FMN1: variants seen among roughly 807,000 people sequenced by gnomAD.
FMN1 encodes the protein formin 1, also known as formin-1.
FMN1 carries 110 observed loss-of-function variants against 132.4 expected under a neutral mutation model. The ratio of observed to expected loss-of-function variants is 0.83; its 90% CI spans 0.71 to 0.97. FMN1 has a LOEUF of 0.97. Ranked by LOEUF, FMN1 falls within the 50% of genes least tolerant of loss-of-function variation. FMN1 has a pLI of 0.00. For synonymous variants in FMN1, 722 were observed against 651.7 expected (o/e 1.11, Z -1.64); for missense variants, 1,792 against 1,705.3 (o/e 1.05, Z -0.90).
rs564964638 is a variant in FMN1, at chr15:32,885,709, G to C, written c.3835+2463C>G. Among the ~76,000 whole-genome samples, 4 of 152,182 alleles carry C rather than the reference G, an allele frequency of 2.6e-5. No homozygotes were observed. The East Asian group carries it at 7.7e-4, about 29-fold the overall frequency. On this transcript the variant is annotated intron_variant, in intron 16 of 20. Transcript: ENST00000616417. ...TGCCATTCAAAGTTCTTGCCTCTCT[G>C]AAAGATGCTTAATGACAACTTCTAC... is the stretch of plus-strand genomic sequence containing the variant.
At chr15:33,050,784 A>C (rs2036931965) in intron 6 of FMN1, among the ~76,000 whole-genome samples, 1 of 152,254 alleles carries the variant, frequency 6.6e-6, no homozygotes, top group Non-Finnish European at 1.5e-5. Flanking sequence ...CATTATTTGC[A>C]AACAGTGAAA....
At position 33,151,510 on chromosome 15, in the gene FMN1, C is replaced by A. The variant is rs1964438222; in HGVS notation, c.1867+1538G>T. ...ACAGAAACTGAATGTGCTCTGTGTG[C>A]CTGCCTTGATCCAGATACACTGGAG... On this transcript the variant is annotated intron_variant, in intron 4 of 20. Coordinates refer to ENST00000616417, the MANE Select transcript of FMN1 (RefSeq NM_001277313.2). 13 of 871,464 alleles carry A rather than the reference C, an allele frequency of 1.5e-5. No individual in the cohort carries two copies. The South Asian group carries it at 2.2e-4, about 15-fold the overall frequency. 54.0% of individuals were successfully genotyped at this position (871,464 alleles called of 1,614,324 possible).
chr15:32,953,139 T>C (rs1179729444), intron 9 of FMN1, among the ~76,000 whole-genome samples: 2 of 152,192 alleles, frequency 1.3e-5, no homozygotes, highest in Non-Finnish European at 1.5e-5. Context: ...TTCACTCCAC[T>C]GGAGGGGCCC....
chr15:32,827,938 G>A (rs556289744), intron 17 of FMN1, among the ~76,000 whole-genome samples: 58 of 152,052 alleles, frequency 3.8e-4, no homozygotes, highest in African/African-American at 1.4e-3. Context: ...AAGTGAAAGA[G>A]GTATGGATAA....
intron 16 of FMN1, among the ~76,000 whole-genome samples, chr15:32,864,563 C>G (rs1360414640): frequency 6.6e-6 from 1 of 152,178 alleles, no homozygotes; most frequent in Non-Finnish European, 1.5e-5. Context: ...CCTAATGACT[C>G]TATTCATCCA....
At chr15:32,861,379 C>A (rs1238592820) in intron 16 of FMN1, among the ~76,000 whole-genome samples, 1 of 152,128 alleles carries the variant, frequency 6.6e-6, no homozygotes, top group Admixed American at 6.5e-5. Context: ...AGAGCCCATG[C>A]GGTGCCCATC....
At chr15:33,014,160 TGCTCACTTTGAGA>T (rs1372445215) in intron 6 of FMN1, among the ~76,000 whole-genome samples, 2 of 152,244 alleles carry the variant, frequency 1.3e-5, no homozygotes, top group African/African-American at 2.4e-5. Context: ...CATTGGTGAA[TGCTCACTTTGAGA>T]GTTCACAAGA....
intron 17 of FMN1, among the ~76,000 whole-genome samples, chr15:32,853,495 T>G (rs2059056269): frequency 6.6e-6 from 1 of 152,352 alleles, no homozygotes; most frequent in South Asian, 2.1e-4. Flanking sequence ...ACAATTGTCA[T>G]AGAAATTTGA....
chr15:32,907,730 A>G (rs1567369580), intron 12 of FMN1, among the ~76,000 whole-genome samples: 1 of 150,076 alleles, frequency 6.7e-6, no homozygotes, highest in Non-Finnish European at 1.5e-5. Flanking sequence ...AAAAAATTCA[A>G]GGTAGCAACA....
At chr15:32,826,946 C>T (rs1259129457) in intron 17 of FMN1, among the ~76,000 whole-genome samples, 5 of 152,196 alleles carry the variant, frequency 3.3e-5, no homozygotes, top group Non-Finnish European at 7.3e-5. Context: ...ACAACTGATG[C>T]ATTCATCTTG....
intron 16 of FMN1, among the ~76,000 whole-genome samples, chr15:32,865,496 T>C (rs1282393150): frequency 6.6e-6 from 1 of 152,146 alleles, no homozygotes; most frequent in African/African-American, 2.4e-5. Context: ...AATTGAGAAA[T>C]TAAACATATT....
At chr15:32,954,501 A>G (rs887143465) in intron 9 of FMN1, among the ~76,000 whole-genome samples, 8 of 152,220 alleles carry the variant, frequency 5.3e-5, no homozygotes, top group African/African-American at 9.6e-5. Flanking sequence ...TTGACAGATG[A>G]GAAACCTGAG....
intron 6 of FMN1, among the ~76,000 whole-genome samples, chr15:33,033,190 G>C (rs112510018): frequency 9.2e-5 from 14 of 151,826 alleles, no homozygotes; most frequent in African/African-American, 1.9e-4. Context: ...GCCACCACAC[G>C]CGGCTAATTT....
intron 7 of FMN1, among the ~76,000 whole-genome samples, chr15:32,998,320 A>G (rs1334849311): frequency 6.6e-6 from 1 of 152,214 alleles, no homozygotes; most frequent in East Asian, 1.9e-4. Context: ...TATTTATTCA[A>G]TTTCAGCTAG....
intron 17 of FMN1, among the ~76,000 whole-genome samples, chr15:32,827,351 A>G (rs1194031034): frequency 1.3e-5 from 2 of 152,224 alleles, no homozygotes; most frequent in Non-Finnish European, 2.9e-5. Flanking sequence ...GTCTAATTTT[A>G]CATTCCCATC....
At chr15:33,115,238 A>C (rs1020502269) in intron 4 of FMN1, among the ~76,000 whole-genome samples, 2 of 152,180 alleles carry the variant, frequency 1.3e-5, no homozygotes, top group Non-Finnish European at 2.9e-5. Context: ...GAGTTGCCTA[A>C]GGCTGTCCTA....
chr15:33,086,002 A>C (rs2038676352), intron 5 of FMN1, among the ~76,000 whole-genome samples: 1 of 152,212 alleles, frequency 6.6e-6, no homozygotes, highest in South Asian at 2.1e-4. Context: ...CTGTAATCCC[A>C]GCACTTTGAG....
intron 4 of FMN1, among the ~76,000 whole-genome samples, chr15:33,093,409 G>A (rs1328973361): frequency 6.6e-6 from 1 of 152,200 alleles, no homozygotes; most frequent in Non-Finnish European, 1.5e-5. Flanking sequence ...TACAGCTAAT[G>A]GAAAGTGACA....
In FMN1 at chr15:33,159,871, A is replaced by G. The variant is rs113183912; in HGVS notation, c.-131-4826T>C. 2.1e-3 allele frequency among the ~76,000 whole-genome samples: 321 copies of G among 152,344 alleles called. 2 individuals carry two copies. Among genetic ancestry groups the G allele is most frequent in the African/African-American group, 7.5e-3 (310 of 41,578 alleles). ...CTCTGAGGGAGGAGAACATTTCTCT[A>G]TGATTAGAGGAACTGTAGTCCCAAG... On this transcript the variant is annotated intron_variant, in intron 3 of 20. Transcript: ENST00000616417.
Sources: allele counts gnomAD v4.1 joint callset (sites outside exome capture counted in the v4.1 genomes callset), GRCh38; gene constraint gnomAD v4.1.1; transcripts MANE v1.5; gene names NCBI Gene and HGNC (gene_info 2026-07-23, HGNC 2026-07-21).